Variants in THSD4 observed in about 807,000 individuals in gnomAD.
The protein encoded by THSD4 is thrombospondin type-1 domain-containing protein 4.
THSD4 carries 69 observed loss-of-function variants against 119.0 expected under a neutral mutation model. The observed-to-expected ratio is 0.58, with a 90% CI of 0.48 to 0.71. THSD4 has a LOEUF of 0.71. Ranked by LOEUF, THSD4 falls within the 30% of genes least tolerant of loss-of-function variation. The probability of loss-of-function intolerance (pLI) is 0.00; values close to 1 mark genes in which losing one functional copy is unlikely to be tolerated. For missense variants in THSD4, 1,393 were observed against 1,391.1 expected (o/e 1.00, Z -0.02); for synonymous variants, 524 against 540.4 (o/e 0.97, Z 0.42).
chr15:71,415,386 T>A (rs1759375765), intron 7 of THSD4, among the ~76,000 whole-genome samples: 1 of 152,260 alleles, frequency 6.6e-6, no homozygotes, highest in Non-Finnish European at 1.5e-5. Context: ...TTATTTATTT[T>A]TTAAAAATTC....
intron 8 of THSD4, among the ~76,000 whole-genome samples, chr15:71,671,290 A>T (rs1319691465): frequency 6.6e-6 from 1 of 152,082 alleles, no homozygotes; most frequent in East Asian, 1.9e-4. Flanking sequence ...TTCTTTTGAG[A>T]AGTGTCTGTT....
chr15:71,577,553 G>C (rs930604307), intron 7 of THSD4, among the ~76,000 whole-genome samples: 1 of 152,056 alleles, frequency 6.6e-6, no homozygotes, highest in Non-Finnish European at 1.5e-5. Context: ...ATGGAGAAAT[G>C]CTTTCGAAAC....
intron 6 of THSD4, among the ~76,000 whole-genome samples, chr15:71,374,320 G>A (rs773024498): frequency 9.9e-5 from 15 of 152,084 alleles, no homozygotes; most frequent in Non-Finnish European, 1.6e-4. Flanking sequence ...CCCATCTGTC[G>A]AGCACTCAGT....
chr15:71,207,385 T>C lies in THSD4; in HGVS notation c.100-7650T>C, dbSNP rs144049080. Among the ~76,000 whole-genome samples, 597 of 152,368 alleles carry C rather than the reference T, an allele frequency of 3.9e-3. 4 individuals carry two copies. The highest frequency in any genetic ancestry group is 0.011 in the African/African-American group (441 of 41,586). ...TGGGCTCGCTTAATCATGAGGCTTC[T>C]GCCAAGTCCAGACCACCTCCCTCTT... On this transcript the variant is annotated intron_variant, in intron 3 of 17. Coordinates refer to ENST00000261862, the MANE Select transcript of THSD4 (RefSeq NM_024817.3).
intron 6 of THSD4, among the ~76,000 whole-genome samples, chr15:71,326,700 A>AATATATATATATATATAT (rs71154759): frequency 0.014 from 89 of 6,394 alleles, 5 homozygotes; most frequent in South Asian, 0.029. Context: ...AAAAAAAAAA[A>AATATATATATATATATAT]ATATATATAT....
chr15:71,489,103 G>A (rs1398911600), intron 7 of THSD4, among the ~76,000 whole-genome samples: 1 of 152,132 alleles, frequency 6.6e-6, no homozygotes, highest in Non-Finnish European at 1.5e-5. Context: ...AAAGCTCATA[G>A]GAACAATATT....
intron 3 of THSD4, among the ~76,000 whole-genome samples, chr15:71,199,041 T>C (rs958681980): frequency 3.9e-5 from 6 of 152,182 alleles, no homozygotes; most frequent in African/African-American, 1.4e-4. Context: ...TGTTTAAAAA[T>C]AGCCTATGTC....
intron 7 of THSD4, among the ~76,000 whole-genome samples, chr15:71,601,943 CT>C (rs2050018349): frequency 3.9e-5 from 6 of 152,158 alleles, no homozygotes; most frequent in Non-Finnish European, 1.5e-5. Context: ...ACTGAAAGGG[CT>C]TTTTTTCTCT....
At chr15:71,447,668 G>T (rs2047204605) in intron 7 of THSD4, among the ~76,000 whole-genome samples, 1 of 152,170 alleles carries the variant, frequency 6.6e-6, no homozygotes, top group South Asian at 2.1e-4. Flanking sequence ...AAAAATAAAA[G>T]ACAAAACCTG....
At chr15:71,704,026 T>A (rs1234659582) in intron 8 of THSD4, among the ~76,000 whole-genome samples, 2 of 152,074 alleles carry the variant, frequency 1.3e-5, no homozygotes, top group African/African-American at 4.8e-5. Flanking sequence ...ATTTTTGTGT[T>A]TTTAGTAGAG....
rs576198600 is a variant in THSD4 at position 71,429,123 on chromosome 15, G to A, written c.1152+17300G>A. On this transcript the variant is annotated intron_variant, in intron 7 of 17. Transcript: ENST00000261862. ...CTGAAGGTTCACTGACAAAAGGCAG[G>A]TTAAAAGGAGAAAAGGCATACGACA... 2.6e-5 allele frequency among the ~76,000 whole-genome samples: 4 copies of A among 152,272 alleles called. No homozygotes were observed. The East Asian group carries it at 7.7e-4, about 29-fold the overall frequency.
intron 7 of THSD4, among the ~76,000 whole-genome samples, chr15:71,634,596 A>T (rs1014085090): frequency 6.6e-6 from 1 of 152,330 alleles, no homozygotes; most frequent in East Asian, 1.9e-4. Flanking sequence ...TCAGTCACGC[A>T]GGGAATTTGA....
intron 6 of THSD4, among the ~76,000 whole-genome samples, chr15:71,350,778 A>G (rs558642825): frequency 3.9e-5 from 6 of 152,224 alleles, no homozygotes; most frequent in African/African-American, 1.4e-4. Flanking sequence ...CAGAGCTGGG[A>G]ACAAGGATGT....
intron 8 of THSD4, among the ~76,000 whole-genome samples, chr15:71,694,392 T>C: frequency 6.6e-6 from 1 of 152,268 alleles, no homozygotes; most frequent in East Asian, 1.9e-4. Flanking sequence ...AGGTCTGGCA[T>C]CTTTCAAGTA....
chr15:71,217,659 G>A (rs1296106982), intron 4 of THSD4, among the ~76,000 whole-genome samples: 1 of 151,654 alleles, frequency 6.6e-6, no homozygotes, highest in African/African-American at 2.4e-5. Flanking sequence ...TGGCCAATGA[G>A]TTTTGTCACC....
chr15:71,588,809 T>C (rs749243253), intron 7 of THSD4, among the ~76,000 whole-genome samples: 4 of 151,902 alleles, frequency 2.6e-5, no homozygotes, highest in Non-Finnish European at 2.9e-5. Flanking sequence ...GTGGGGGAGA[T>C]AGGTATCAGT....
intron 7 of THSD4, among the ~76,000 whole-genome samples, chr15:71,581,398 C>T (rs970236395): frequency 2.6e-5 from 4 of 151,960 alleles, no homozygotes; most frequent in Non-Finnish European, 5.9e-5. Context: ...TTTTTTGCTA[C>T]TGAGTCAAGC....
chr15:71,718,664 A>G (rs1370993783), intron 8 of THSD4, among the ~76,000 whole-genome samples: 1 of 152,056 alleles, frequency 6.6e-6, no homozygotes, highest in Non-Finnish European at 1.5e-5. Flanking sequence ...GCTCCCATCT[A>G]TGCACGCTCC....
chr15:71,685,517 C>T (rs1365119891), intron 8 of THSD4, among the ~76,000 whole-genome samples: 10 of 152,014 alleles, frequency 6.6e-5, no homozygotes, highest in Admixed American at 6.5e-4. Flanking sequence ...AGAAGAGTGG[C>T]ATCATTTTAC....
Sources: allele counts gnomAD v4.1 joint callset (sites outside exome capture counted in the v4.1 genomes callset), GRCh38; gene constraint gnomAD v4.1.1; transcripts MANE v1.5; gene names NCBI Gene and HGNC (gene_info 2026-07-23, HGNC 2026-07-21).